Variants in DNAJA3 observed in about 807,000 individuals in gnomAD.
DNAJA3 encodes the protein DnaJ heat shock protein family (Hsp40) member A3.
A neutral mutation model predicts 54.9 loss-of-function variants in DNAJA3; 29 were observed. The observed-to-expected ratio is 0.53, with a 90% CI of 0.39 to 0.72. DNAJA3 has a LOEUF of 0.72. Ranked by LOEUF, DNAJA3 falls within the 30% of genes least tolerant of loss-of-function variation. The pLI is 0.00. For synonymous variants in DNAJA3, 302 were observed against 251.4 expected, an observed-to-expected ratio of 1.20 and a Z score of -1.90; for missense variants, 708 against 639.4, an observed-to-expected ratio of 1.11 and a Z score of -1.16.
chr16:4,455,752 A>G lies in DNAJA3; in HGVS notation c.*220A>G. 1 of 656,448 alleles carries G rather than the reference A, an allele frequency of 1.5e-6. No individual in the cohort carries two copies. Among genetic ancestry groups the G allele is most frequent in the South Asian group, 1.9e-5 (1 of 52,942 alleles). 40.7% of individuals were successfully genotyped at this position (656,448 alleles called of 1,614,324 possible). On this transcript the variant is annotated 3_prime_UTR_variant, in exon 12 of 12. Transcript: ENST00000262375. ...AGCCCGGGCAGTAGGATGCAGCCCC[A>G]GAGGCTGGTGGCAGTTTCCTGTCCA...
chr16:4,438,016 C>G (rs1596363554), intron 3 of DNAJA3, among the ~76,000 whole-genome samples: 1 of 151,836 alleles, frequency 6.6e-6, no homozygotes, highest in South Asian at 2.1e-4. Flanking sequence ...CTTGGAATCT[C>G]AATGAAGAAC....
Position 4,456,393 on chromosome 16 carries a change from G to A in DNAJA3, c.*861G>A, listed in dbSNP as rs1207577651. On this transcript the variant is annotated 3_prime_UTR_variant, in exon 12 of 12. Coordinates refer to ENST00000262375, the MANE Select transcript of DNAJA3 (RefSeq NM_005147.6). ...GCCACTGTTGCTAGTCAGGGGCTTG[G>A]TTCTCCCACTTACACTGTTGACATC... 2 of 152,440 alleles carry A rather than the reference G, an allele frequency of 1.3e-5. No individual in the cohort carries two copies. The highest frequency in any genetic ancestry group is 2.9e-5 in the Non-Finnish European group (2 of 68,060). The allele number at this position is 152,440 out of a possible 1,614,324, so 9.4% of individuals were successfully genotyped here.
At chr16:4,447,116 C>A in intron 8 of DNAJA3, 102 bp downstream of exon 8, 1 of 1,406,260 alleles carries the variant, frequency 7.1e-7, no homozygotes, top group Non-Finnish European at 9.6e-7. Flanking sequence ...GAGTGACCAG[C>A]ATGTGGGGGG....
chr16:4,447,382 C>T (rs2056915396), intron 8 of DNAJA3: 1 of 190,144 alleles, frequency 5.3e-6, no homozygotes, highest in African/African-American at 2.4e-5. Context: ...CCTTTTGCCA[C>T]AGTGATGGCT....
Position 4,425,895 on chromosome 16 carries a change from G to A in DNAJA3, c.14G>A (p.Cys5Tyr), listed in dbSNP as rs374995696. Residue 5 changes from cysteine (C) to tyrosine (Y), a missense_variant, in exon 1 of 12, where the codon TGC becomes TAC. Physicochemically the swap from Cys to Tyr is radical, Grantham distance 194. Transcript: ENST00000262375. ...CCCCGGGCCAAGATGGCTGCGCGGT[G>A]CTCCACACGCTGGTTGCTGGTGGTT... MAAR[C>Y]STRWLLVVVG... 2 of 1,540,282 alleles carry A rather than the reference G, an allele frequency of 1.3e-6. No individual in the cohort carries two copies. The highest frequency in any genetic ancestry group is 1.7e-6 in the Non-Finnish European group (2 of 1,144,800).
chr16:4,427,942 G>A (rs928757226), intron 1 of DNAJA3, among the ~76,000 whole-genome samples: 1 of 152,002 alleles, frequency 6.6e-6, no homozygotes, highest in African/African-American at 2.4e-5. Flanking sequence ...ACTGCACCTG[G>A]CCAACAGAAT....
intron 10 of DNAJA3, among the ~76,000 whole-genome samples, chr16:4,454,009 G>A (rs1462795364): frequency 1.3e-5 from 2 of 152,222 alleles, no homozygotes; most frequent in South Asian, 2.1e-4. Flanking sequence ...ACACGTTTGT[G>A]TGAGAAAGTA....
intron 11 of DNAJA3, 133 bp from the exon 12 acceptor site, chr16:4,455,413 G>T: frequency 1.9e-6 from 2 of 1,065,324 alleles, no homozygotes; most frequent in Non-Finnish European, 2.8e-6. Context: ...GGTTTATTAT[G>T]CTCATCTCAG....
At chr16:4,441,130 T>C (rs971756819) in intron 3 of DNAJA3, 1 of 549,452 alleles carries the variant, frequency 1.8e-6, no homozygotes, top group Non-Finnish European at 3.2e-6. Context: ...TTTCCCAGCA[T>C]GCGCGACGGC....
chr16:4,443,937 C>T (rs1292822075), intron 6 of DNAJA3, among the ~76,000 whole-genome samples: 13 of 152,214 alleles, frequency 8.5e-5, no homozygotes, highest in African/African-American at 1.9e-4. Flanking sequence ...CCACCCGCCT[C>T]GGCTTCCCAA....
Position 4,434,416 on chromosome 16 carries a change from T to C in DNAJA3, c.244T>C (p.Ser82Pro), listed in dbSNP as rs1437252114. The change falls in exon 2 of 12, where the codon TCC (serine) becomes CCC (proline). Residue 82 changes from serine (S) to proline (P), a missense_variant. By Grantham distance (74) the Ser-to-Pro change is moderately conservative (BLOSUM62 -1). Coordinates refer to ENST00000262375, the MANE Select transcript of DNAJA3 (RefSeq NM_005147.6). ...ACATAACCCTTTCATTTGTACTGCCTCCTTCCACACGAGTGCCCCTTTGGC... is the reference window on the plus strand; with the variant it reads ...ACATAACCCTTTCATTTGTACTGCCCCCTTCCACACGAGTGCCCCTTTGGC... ...TKHNPFICTA[S>P]FHTSAPLAKE... 1.2e-6 allele frequency: 2 copies of C among 1,613,678 alleles called. No homozygotes were observed. The highest frequency in any genetic ancestry group is 1.1e-5 in the South Asian group (1 of 90,968).
intron 5 of DNAJA3, 53 bp downstream of exon 5, chr16:4,442,473 A>C (rs1278664463): frequency 5.9e-6 from 9 of 1,514,926 alleles, no homozygotes; most frequent in Middle Eastern, 1.8e-4. Context: ...CTGACTGAGA[A>C]GAGCTGGTTG....
chr16:4,446,277 T>C (rs1485368037), intron 7 of DNAJA3, among the ~76,000 whole-genome samples: 1 of 145,846 alleles, frequency 6.9e-6, no homozygotes, highest in East Asian at 2.0e-4. Flanking sequence ...GGAGTCTCGC[T>C]CTGTTGCTCA....
rs2056963694 is a variant in DNAJA3, at chr16:4,450,435, G to A, written c.1277G>A (p.Ser426Asn). The A allele has an allele frequency of 3.1e-6, 5 of 1,611,930 alleles. No homozygotes were observed. Among genetic ancestry groups the A allele is most frequent in the Non-Finnish European group, 4.2e-6 (5 of 1,179,368 alleles). Residue 426 changes from serine to asparagine, a missense_variant, in exon 10 of 12, where the codon AGC (serine) becomes AAC (asparagine). Coordinates refer to ENST00000262375, the MANE Select transcript of DNAJA3 (RefSeq NM_005147.6). ...LTSRQQSLIL[S>N]YAEDETDVEG... ...AGCCGGCAGCAGAGCCTGATCCTGA[G>A]CTACGCCGAGGACGAGACAGATGTG...
intron 8 of DNAJA3, chr16:4,447,899 CAG>C (rs1183230423): frequency 1.3e-5 from 2 of 151,254 alleles, no homozygotes; most frequent in Non-Finnish European, 2.9e-5. Context: ...TTAGTAGAGA[CAG>C]GGTTTCACCG....
intron 3 of DNAJA3, among the ~76,000 whole-genome samples, chr16:4,437,786 C>CAA (rs1209856777): frequency 3.0e-4 from 23 of 76,758 alleles, no homozygotes; most frequent in African/African-American, 6.8e-4. Context: ...CACGTCTCTA[C>CAA]AAAAAAAAAA....
chr16:4,434,641 G>T, intron 2 of DNAJA3, 124 bp downstream of exon 2: 1 of 1,193,902 alleles, frequency 8.4e-7, no homozygotes, highest in Non-Finnish European at 1.2e-6. Context: ...TAGTATAGAA[G>T]GGTGTGATAA....
intron 3 of DNAJA3, among the ~76,000 whole-genome samples, chr16:4,438,282 A>T (rs1362600906): frequency 1.3e-5 from 2 of 151,576 alleles, no homozygotes; most frequent in Non-Finnish European, 2.9e-5. Context: ...GCGCCACTGC[A>T]CTCCAGCCTG....
intron 1 of DNAJA3, among the ~76,000 whole-genome samples, chr16:4,431,318 T>C (rs2056697587): frequency 6.6e-6 from 1 of 152,234 alleles, no homozygotes; most frequent in South Asian, 2.1e-4. Flanking sequence ...TCTAGTGTTT[T>C]CTCAAGTCTG....
Sources: allele counts gnomAD v4.1 joint callset (sites outside exome capture counted in the v4.1 genomes callset), GRCh38; gene constraint gnomAD v4.1.1; transcripts MANE v1.5; gene names NCBI Gene and HGNC (gene_info 2026-07-23, HGNC 2026-07-21).